The following POU2F1 variants were observed in gnomAD, a reference collection of about 807,000 sequenced individuals.
POU2F1 encodes POU domain, class 2, transcription factor 1.
In POU2F1, 16 loss-of-function variants were observed where a neutral mutation model predicts 84.9. The ratio of observed to expected loss-of-function variants is 0.19; its 90% CI spans 0.13 to 0.29. The LOEUF is 0.29. Among genes scored for constraint, POU2F1 ranks in the 10% least tolerant of loss-of-function variants. POU2F1 has a pLI of 1.00. For synonymous variants in POU2F1, 368 were observed against 368.3 expected (o/e 1.00, Z 0.01); for missense variants, 738 against 942.6 (o/e 0.78, Z 2.84).
intron 13 of POU2F1, among the ~76,000 whole-genome samples, chr1:167,411,135 G>A (rs1039764922): frequency 2.0e-5 from 3 of 151,742 alleles, no homozygotes; most frequent in Admixed American, 6.6e-5. Flanking sequence ...CGCCTCCCAG[G>A]TTCAAGCGAT....
In POU2F1 at chr1:167,374,139, TACTCC is replaced by T; in HGVS notation, c.436_440del (p.Leu146AlafsTer151). 1 of 1,614,208 alleles carries T rather than the reference TACTCC, an allele frequency of 6.2e-7. No homozygotes were observed. Among genetic ancestry groups the T allele is most frequent in the Non-Finnish European group, 8.5e-7 (1 of 1,180,026 alleles). ...TTGACGCCTGCCCAGCAACAGTTAC[TACTCC>T]AGCAGGCACAGGCACAGGCACAGCT... is the stretch of plus-strand genomic sequence containing the variant. On this transcript the variant is annotated frameshift_variant, in exon 6 of 16. Coordinates refer to ENST00000367866, the MANE Select transcript of POU2F1 (RefSeq NM_002697.4). LOFTEE classifies it high-confidence loss of function.
intron 1 of POU2F1, among the ~76,000 whole-genome samples, chr1:167,311,100 A>G (rs899926444): frequency 2.6e-5 from 4 of 152,220 alleles, no homozygotes; most frequent in Non-Finnish European, 4.4e-5. Context: ...CAAATTTAGT[A>G]GAAGGCATAT....
chr1:167,285,588 G>A (rs1006974221), intron 1 of POU2F1, among the ~76,000 whole-genome samples: 1 of 149,252 alleles, frequency 6.7e-6, no homozygotes, highest in Non-Finnish European at 1.5e-5. Context: ...CAGAGACTCC[G>A]TCTCAAAAAA....
chr1:167,397,101 A>G (rs373237425), intron 10 of POU2F1, among the ~76,000 whole-genome samples: 30 of 152,216 alleles, frequency 2.0e-4, no homozygotes, highest in African/African-American at 6.0e-4. Flanking sequence ...CTGTTTCCCA[A>G]GTCCACAGAT....
intron 1 of POU2F1, among the ~76,000 whole-genome samples, chr1:167,300,130 G>A (rs1654578218): frequency 6.6e-6 from 1 of 152,168 alleles, no homozygotes; most frequent in Non-Finnish European, 1.5e-5. Flanking sequence ...GATACAGCTG[G>A]AGGCTATTAC....
intron 1 of POU2F1, among the ~76,000 whole-genome samples, chr1:167,233,436 C>G (rs1042661423): frequency 2.6e-5 from 4 of 152,106 alleles, no homozygotes; most frequent in African/African-American, 9.6e-5. Context: ...CTGTGCCTGG[C>G]CTAGGTATTT....
Position 167,292,047 on chromosome 1 carries a change from CTG to C in POU2F1, c.62-40419_62-40418del, listed in dbSNP as rs995648135. ...TCTGTGCGTGTGTGTGTGTGTGTGT[CTG>C]TGTACACAAATATTTATATTACCGT... On this transcript the variant is annotated intron_variant, in intron 1 of 15. Transcript: ENST00000367866. Among the ~76,000 whole-genome samples, 43 of 151,238 alleles carry C rather than the reference CTG, an allele frequency of 2.8e-4. No homozygotes were observed. The East Asian group carries it at 8.1e-3, about 29-fold the overall frequency.
At chr1:167,351,759 C>G (rs1428843623) in intron 2 of POU2F1, among the ~76,000 whole-genome samples, 1 of 151,938 alleles carries the variant, frequency 6.6e-6, no homozygotes, top group African/African-American at 2.4e-5. Flanking sequence ...TGAAGGATAT[C>G]TGCATTTTCA....
chr1:167,301,399 A>G (rs58760741), intron 1 of POU2F1, among the ~76,000 whole-genome samples: 4,838 of 152,338 alleles, frequency 0.032, 245 homozygotes, highest in African/African-American at 0.11. Flanking sequence ...TCAAGCAAAG[A>G]TAAAATTTTT....
intron 1 of POU2F1, among the ~76,000 whole-genome samples, chr1:167,274,174 C>T (rs1652562010): frequency 6.6e-6 from 1 of 152,152 alleles, no homozygotes; most frequent in South Asian, 2.1e-4. Flanking sequence ...CTATGCAGAA[C>T]TTTTTGACTA....
intron 8 of POU2F1, among the ~76,000 whole-genome samples, chr1:167,388,431 A>G (rs1401415740): frequency 1.3e-5 from 2 of 152,236 alleles, no homozygotes; most frequent in Admixed American, 1.3e-4. Flanking sequence ...TTGAGAATTT[A>G]TCTCAAAAGA....
chr1:167,249,341 C>G (rs182550110), intron 1 of POU2F1, among the ~76,000 whole-genome samples: 2 of 152,232 alleles, frequency 1.3e-5, no homozygotes, highest in African/African-American at 4.8e-5. Flanking sequence ...ACTTTCATTC[C>G]CTCCTCATCC....
At chr1:167,292,924 A>G (rs1654025556) in intron 1 of POU2F1, among the ~76,000 whole-genome samples, 1 of 152,222 alleles carries the variant, frequency 6.6e-6, no homozygotes, top group South Asian at 2.1e-4. Context: ...GTCTCAATAG[A>G]CAAAGAAAAA....
chr1:167,226,128 C>T (rs1410841131), intron 1 of POU2F1, among the ~76,000 whole-genome samples: 1 of 152,190 alleles, frequency 6.6e-6, no homozygotes, highest in Non-Finnish European at 1.5e-5. Flanking sequence ...TGTTTCTGAT[C>T]CCTCCTTAAA....
chr1:167,360,885 A>G (rs1013848400), intron 2 of POU2F1, among the ~76,000 whole-genome samples: 1 of 152,050 alleles, frequency 6.6e-6, no homozygotes, highest in African/African-American at 2.4e-5. Flanking sequence ...AGTGTTTTAT[A>G]GTACTCATAG....
At chr1:167,406,313 T>C (rs879659794) in intron 13 of POU2F1, among the ~76,000 whole-genome samples, 1 of 152,196 alleles carries the variant, frequency 6.6e-6, no homozygotes, top group Non-Finnish European at 1.5e-5. Flanking sequence ...AGAAAAGATA[T>C]TTGTAAAAAT....
intron 9 of POU2F1, among the ~76,000 whole-genome samples, chr1:167,395,105 G>A (rs926573720): frequency 6.6e-6 from 1 of 152,182 alleles, no homozygotes; most frequent in Non-Finnish European, 1.5e-5. Flanking sequence ...TAAACTCCGT[G>A]AGCCTCTGTT....
At chr1:167,291,939 AGGAGTGCTGCT>A (rs1653952446) in intron 1 of POU2F1, among the ~76,000 whole-genome samples, 1 of 152,146 alleles carries the variant, frequency 6.6e-6, no homozygotes, top group Non-Finnish European at 1.5e-5. Flanking sequence ...CATGTACTGT[AGGAGTGCTGCT>A]GGCTTGAGGC....
chr1:167,224,210 TTAGA>T (rs1330613422), intron 1 of POU2F1, among the ~76,000 whole-genome samples: 3 of 152,206 alleles, frequency 2.0e-5, no homozygotes, highest in South Asian at 2.1e-4. Flanking sequence ...TATTTGGGTT[TTAGA>T]TAGATAGTCA....
Sources: allele counts gnomAD v4.1 joint callset (sites outside exome capture counted in the v4.1 genomes callset), GRCh38; gene constraint gnomAD v4.1.1; transcripts MANE v1.5; gene names NCBI Gene and HGNC (gene_info 2026-07-23, HGNC 2026-07-21).